The following ENOX1 variants were observed in gnomAD, a reference collection of about 807,000 sequenced individuals.
ENOX1 encodes candidate growth-related and time keeping constitutive hydroquinone (NADH) oxidase.
Under a neutral mutation model 82.5 loss-of-function variants are expected in ENOX1, and 42 were observed. The ratio of observed to expected loss-of-function variants is 0.51; its 90% CI spans 0.40 to 0.66. The LOEUF is 0.66. Ranked by LOEUF, ENOX1 falls within the 30% of genes least tolerant of loss-of-function variation. The probability of loss-of-function intolerance (pLI) is 0.00; values close to 1 mark genes in which losing one functional copy is unlikely to be tolerated. For synonymous variants in ENOX1, 271 were observed against 282.2 expected, an observed-to-expected ratio of 0.96 and a Z score of 0.40; for missense variants, 608 against 811.6, an observed-to-expected ratio of 0.75 and a Z score of 3.05.
At chr13:43,533,817 T>C (rs2078333986) in intron 2 of ENOX1, among the ~76,000 whole-genome samples, 1 of 152,154 alleles carries the variant, frequency 6.6e-6, no homozygotes, top group Non-Finnish European at 1.5e-5. Flanking sequence ...GCAGACTATA[T>C]TCCCTAAAAT....
intron 3 of ENOX1, among the ~76,000 whole-genome samples, chr13:43,415,496 T>C (rs1037591932): frequency 4.6e-5 from 7 of 152,102 alleles, no homozygotes; most frequent in Admixed American, 3.9e-4. Flanking sequence ...AAGCACATCT[T>C]GCACCACCCT....
intron 2 of ENOX1, among the ~76,000 whole-genome samples, chr13:43,583,398 T>C (rs1469905270): frequency 6.6e-6 from 1 of 152,260 alleles, no homozygotes; most frequent in Non-Finnish European, 1.5e-5. Flanking sequence ...TTACTCATTA[T>C]GGCATTCAAA....
chr13:43,230,514 A>G (rs760221086), intron 15 of ENOX1, among the ~76,000 whole-genome samples: 8 of 152,118 alleles, frequency 5.3e-5, no homozygotes, highest in Non-Finnish European at 1.0e-4. Flanking sequence ...TACATACAAG[A>G]TCACTAAGGG....
chr13:43,611,447 T>A (rs886135897), intron 2 of ENOX1, among the ~76,000 whole-genome samples: 3 of 152,200 alleles, frequency 2.0e-5, no homozygotes, highest in African/African-American at 7.2e-5. Context: ...TGGATTTATG[T>A]ATAATGACAG....
At chr13:43,470,238 G>A (rs1296796147) in intron 3 of ENOX1, among the ~76,000 whole-genome samples, 1 of 86,836 alleles carries the variant, frequency 1.2e-5, no homozygotes, top group Non-Finnish European at 2.5e-5. Context: ...GTGTGTGTGT[G>A]TATATATATA....
chr13:43,437,438 G>A (rs560335029), intron 3 of ENOX1, among the ~76,000 whole-genome samples: 1 of 152,212 alleles, frequency 6.6e-6, no homozygotes, highest in South Asian at 2.1e-4. Context: ...TGAGCTTGTG[G>A]CAACTTTATC....
intron 3 of ENOX1, among the ~76,000 whole-genome samples, chr13:43,483,150 G>A (rs2058571858): frequency 1.3e-5 from 2 of 152,144 alleles, no homozygotes; most frequent in South Asian, 4.2e-4. Flanking sequence ...AATGCCTATG[G>A]GAAAAGATGT....
intron 2 of ENOX1, among the ~76,000 whole-genome samples, chr13:43,502,908 T>C (rs1473200662): frequency 6.6e-6 from 1 of 151,318 alleles, no homozygotes; most frequent in Non-Finnish European, 1.5e-5. Context: ...AAGGAAATAA[T>C]TGGGAAGAAA....
At chr13:43,381,827 A>G (rs2052071269) in intron 5 of ENOX1, among the ~76,000 whole-genome samples, 3 of 152,014 alleles carry the variant, frequency 2.0e-5, no homozygotes, top group African/African-American at 7.2e-5. Flanking sequence ...CAAATAATCT[A>G]TATAGCTCTG....
intron 5 of ENOX1, among the ~76,000 whole-genome samples, chr13:43,395,157 C>T (rs189171188): frequency 3.5e-4 from 54 of 152,288 alleles, no homozygotes; most frequent in Non-Finnish European, 6.0e-4. Flanking sequence ...GCAACATCTG[C>T]CATGAGCATG....
chr13:43,310,316 CAG>C (rs2047129170), intron 11 of ENOX1, among the ~76,000 whole-genome samples: 1 of 148,912 alleles, frequency 6.7e-6, no homozygotes, highest in Admixed American at 6.7e-5. Context: ...AATTGAGAAA[CAG>C]AGCTGTTTGG....
At chr13:43,218,431 A>G (rs1225147356) in intron 16 of ENOX1, among the ~76,000 whole-genome samples, 9 of 152,220 alleles carry the variant, frequency 5.9e-5, no homozygotes, top group Non-Finnish European at 1.3e-4. Flanking sequence ...GTTTGAGACC[A>G]GCCTGGGCAA....
intron 2 of ENOX1, among the ~76,000 whole-genome samples, chr13:43,648,595 G>A (rs150446417): frequency 2.5e-3 from 384 of 152,260 alleles, no homozygotes; most frequent in African/African-American, 7.6e-3. Context: ...CCACTAACTC[G>A]TGGCTGACCT....
rs558996041 is a variant in ENOX1 at position 43,235,503 on chromosome 13, C to G, written c.1714+1133G>C. ...ATCCCAGCACTTTGAGAGGCCAAGG[C>G]AGGTGGATCACCTGAGGTCAGGAGT... is the stretch of plus-strand genomic sequence containing the variant. On this transcript the variant is annotated intron_variant, in intron 15 of 16. Coordinates refer to ENST00000690772, the MANE Select transcript of ENOX1 (RefSeq NM_001347969.2). 6.6e-5 allele frequency among the ~76,000 whole-genome samples: 10 copies of G among 152,206 alleles called. No homozygotes were observed. In the East Asian group the frequency reaches 1.9e-3, roughly 29 times the overall value.
At chr13:43,596,806 G>A (rs2081493786) in intron 2 of ENOX1, among the ~76,000 whole-genome samples, 1 of 152,210 alleles carries the variant, frequency 6.6e-6, no homozygotes, top group South Asian at 2.1e-4. Flanking sequence ...TATGGAGAGA[G>A]GTACAACATT....
intron 1 of ENOX1, among the ~76,000 whole-genome samples, chr13:43,719,725 G>A (rs2088435973): frequency 6.6e-6 from 1 of 151,986 alleles, no homozygotes; most frequent in Admixed American, 6.6e-5. Context: ...TAAAAAGACT[G>A]GCCAAAATCC....
intron 1 of ENOX1, among the ~76,000 whole-genome samples, chr13:43,754,157 T>C (rs1245119480): frequency 1.3e-5 from 2 of 148,406 alleles, no homozygotes; most frequent in African/African-American, 2.5e-5. Context: ...TATACATATG[T>C]ATATATGTAT....
At chr13:43,352,132 C>T (rs190484923) in intron 8 of ENOX1, among the ~76,000 whole-genome samples, 1 of 152,334 alleles carries the variant, frequency 6.6e-6, no homozygotes, top group Admixed American at 6.5e-5. Context: ...GGCAGGCTGA[C>T]ATGAGGCTAT....
chr13:43,423,971 C>A (rs1202709860), intron 3 of ENOX1, among the ~76,000 whole-genome samples: 3 of 152,144 alleles, frequency 2.0e-5, no homozygotes, highest in Non-Finnish European at 4.4e-5. Context: ...TGAGACAGAG[C>A]AAGAGAGACA....
Sources: gnomAD v4.1 joint callset for allele counts (sites outside exome capture counted in the v4.1 genomes callset) on GRCh38, gnomAD v4.1.1 for gene constraint, MANE v1.5 for transcripts, NCBI Gene and HGNC (gene_info 2026-07-23, HGNC 2026-07-21) for gene names.